SNRPN: variants seen among roughly 807,000 people sequenced by gnomAD.
SNRPN encodes the protein small nuclear ribonucleoprotein polypeptide N.
Under a neutral mutation model 25.2 loss-of-function variants are expected in SNRPN, and 7 were observed. The ratio of observed to expected loss-of-function variants is 0.28; its 90% CI spans 0.16 to 0.52. SNRPN has a LOEUF of 0.52. SNRPN is among the 20% of genes least tolerant of loss of function. The pLI, the probability that SNRPN is intolerant of heterozygous loss-of-function variation, is 0.96. For missense variants in SNRPN, 196 were observed against 322.5 expected, an observed-to-expected ratio of 0.61 and a Z score of 3.00; for synonymous variants, 124 against 110.6, an observed-to-expected ratio of 1.12 and a Z score of -0.76.
chr15:24,937,620 T>G (rs1245700764), intron 3 of SNRPN, among the ~76,000 whole-genome samples: 2 of 152,246 alleles, frequency 1.3e-5, no homozygotes, highest in Admixed American at 6.5e-5. Flanking sequence ...ACTTTTTAAA[T>G]TGTAAAAACA....
intron 2 of SNRPN, chr15:24,908,837 A>G: frequency 1.8e-6 from 1 of 561,534 alleles, no homozygotes; most frequent in Non-Finnish European, 3.1e-6. Context: ...GAGTCTTGGA[A>G]AGCTTTTTAA....
intron 1 of SNRPN, among the ~76,000 whole-genome samples, chr15:24,883,483 T>G (rs1376115460): frequency 6.6e-6 from 1 of 151,766 alleles, no homozygotes; most frequent in Non-Finnish European, 1.5e-5. Context: ...ACAAACACAC[T>G]CCACTCTTGA....
chr15:24,895,138 T>C (rs773892804), intron 2 of SNRPN, among the ~76,000 whole-genome samples: 9 of 152,162 alleles, frequency 5.9e-5, no homozygotes, highest in Non-Finnish European at 1.3e-4. Context: ...TCAGTGTCCC[T>C]GTGTCTTCAG....
intron 3 of SNRPN, among the ~76,000 whole-genome samples, chr15:24,943,932 A>G (rs2061723414): frequency 1.3e-5 from 2 of 151,914 alleles, no homozygotes; most frequent in Admixed American, 1.3e-4. Flanking sequence ...AGCAATTCTC[A>G]TGCCTCAGCC....
At chr15:24,827,386 G>A (rs983405509) in intron 1 of SNRPN, among the ~76,000 whole-genome samples, 1 of 151,658 alleles carries the variant, frequency 6.6e-6, no homozygotes. Context: ...GCGGTGGCGG[G>A]CGCCTGTAGT....
At chr15:24,862,815 A>G (rs1286694309) in intron 1 of SNRPN, among the ~76,000 whole-genome samples, 1 of 150,642 alleles carries the variant, frequency 6.6e-6, no homozygotes, top group Non-Finnish European at 1.5e-5. Context: ...GATCCACCAG[A>G]CAGGGGAGGT....
At chr15:24,830,510 C>T (rs1173871807) in intron 2 of SNRPN, among the ~76,000 whole-genome samples, 1 of 152,012 alleles carries the variant, frequency 6.6e-6, no homozygotes, top group African/African-American at 2.4e-5. Context: ...CTTCCTTTTA[C>T]AGTAAAAATT....
intron 3 of SNRPN, among the ~76,000 whole-genome samples, chr15:24,971,710 A>G (rs1375736626): frequency 3.9e-5 from 6 of 152,186 alleles, no homozygotes; most frequent in Admixed American, 1.3e-4. Flanking sequence ...TTTTCACAAA[A>G]AAATTCCAAC....
intron 1 of SNRPN, among the ~76,000 whole-genome samples, chr15:24,867,204 T>C (rs1335311159): frequency 6.6e-6 from 1 of 152,178 alleles, no homozygotes; most frequent in Non-Finnish European, 1.5e-5. Context: ...GGGGCCTCTA[T>C]ACTTTTTTCG....
intron 2 of SNRPN, among the ~76,000 whole-genome samples, chr15:24,918,567 TA>T (rs1566909255): frequency 1.5e-4 from 13 of 86,242 alleles, no homozygotes; most frequent in Non-Finnish European, 3.0e-4. Context: ...TAACATAATA[TA>T]TATGTATATA....
At chr15:24,930,588 T>TCCAA (rs2060758435) in intron 3 of SNRPN, among the ~76,000 whole-genome samples, 7 of 18,716 alleles carry the variant, frequency 3.7e-4, no homozygotes, top group Admixed American at 2.9e-3. Flanking sequence ...TCTACAAAAA[T>TCCAA]ACAAAAAAAA....
chr15:24,955,754 G>A (rs540083458), intron 1 of SNRPN, among the ~76,000 whole-genome samples: 87 of 151,280 alleles, frequency 5.8e-4, no homozygotes, highest in South Asian at 1.7e-3. Flanking sequence ...GGAAGGCGGC[G>A]ACAGTGGGTA....
upstream of SNRPN, among the ~76,000 whole-genome samples, chr15:24,950,589 C>A: frequency 6.8e-6 from 1 of 146,408 alleles, no homozygotes; most frequent in Admixed American, 6.9e-5. Context: ...TGCTCCATCA[C>A]CCAGGCGGAG....
At position 24,869,739 on chromosome 15, in the gene SNRPN, T is replaced by C. The variant is rs116254233; in HGVS notation, c.-579+13023T>C. ...CCTGGACAAGTTAGCCTTTGTCAAA[T>C]TTCTTTACTGTAAAATTATTTCTTT... On this transcript the variant is annotated intron_variant, in intron 1 of 11. Transcript: ENST00000400097. Among the ~76,000 whole-genome samples, 794 of 152,324 alleles carry C rather than the reference T, an allele frequency of 5.2e-3. 6 individuals are homozygous for C. The highest frequency in any genetic ancestry group is 0.02 in the Middle Eastern group (6 of 294).
rs141180434 is a variant in SNRPN, at chr15:24,904,100, C to CT, written c.-504-15910dup. 0.014 allele frequency among the ~76,000 whole-genome samples: 2,109 copies of CT among 151,368 alleles called. 104 individuals carry two copies. In the East Asian group the frequency reaches 0.17, roughly 13 times the overall value. On this transcript the variant is annotated intron_variant, in intron 2 of 11. Transcript: ENST00000400097. ...AAGATGGGTAAAAACATAGAAACGA[C>CT]TAAGTTCATTTCAGCAGGAATATAT... is the stretch of plus-strand genomic sequence containing the variant.
chr15:24,976,058 T>C (rs1035228037), intron 5 of SNRPN, among the ~76,000 whole-genome samples: 16 of 152,236 alleles, frequency 1.1e-4, no homozygotes, highest in Admixed American at 8.5e-4. Flanking sequence ...CAAAAGAAAT[T>C]AGTCTTGTTG....
intron 3 of SNRPN, among the ~76,000 whole-genome samples, chr15:24,970,757 C>G (rs1158816754): frequency 1.3e-5 from 2 of 152,114 alleles, no homozygotes; most frequent in East Asian, 3.8e-4. Context: ...CTGATGGCCA[C>G]TAAAAATTAG....
intron 2 of SNRPN, among the ~76,000 whole-genome samples, chr15:24,905,550 G>T (rs2058749595): frequency 6.6e-6 from 1 of 150,942 alleles, no homozygotes; most frequent in Admixed American, 6.6e-5. Context: ...TTTTAATAAT[G>T]TTAGTCAATT....
chr15:24,899,952 G>T (rs983328226), intron 2 of SNRPN, among the ~76,000 whole-genome samples: 1 of 152,150 alleles, frequency 6.6e-6, no homozygotes, highest in South Asian at 2.1e-4. Context: ...GGTTGTGTTG[G>T]TCATTCCTTT....
Sources: gnomAD v4.1 joint callset for allele counts (sites outside exome capture counted in the v4.1 genomes callset) on GRCh38, gnomAD v4.1.1 for gene constraint, MANE v1.5 for transcripts, NCBI Gene and HGNC (gene_info 2026-07-23, HGNC 2026-07-21) for gene names.